Variants in FSTL4 observed in about 807,000 individuals in gnomAD.
FSTL4 encodes the protein follistatin-related protein 4.
FSTL4 carries 28 observed loss-of-function variants against 78.2 expected under a neutral mutation model. The ratio of observed to expected loss-of-function variants is 0.36; its 90% confidence interval spans 0.27 to 0.49. FSTL4 has a LOEUF of 0.49. Ranked by LOEUF, FSTL4 falls within the 20% of genes least tolerant of loss-of-function variation. The probability of loss-of-function intolerance (pLI) is 0.98; values close to 1 mark genes in which losing one functional copy is unlikely to be tolerated. For missense variants in FSTL4, 922 were observed against 1,084.9 expected, an observed-to-expected ratio of 0.85 and a Z score of 2.11; for synonymous variants, 422 against 440.5, an observed-to-expected ratio of 0.96 and a Z score of 0.53.
At position 133,327,248 on chromosome 5, in the gene FSTL4, T is replaced by C. The variant is rs951172002; in HGVS notation, c.410-10596A>G. 5.9e-5 allele frequency among the ~76,000 whole-genome samples: 9 copies of C among 152,176 alleles called. 1 individual carries two copies. Among genetic ancestry groups the C allele is most frequent in the Non-Finnish European group, 1.0e-4 (7 of 68,018 alleles). On this transcript the variant is annotated intron_variant, in intron 4 of 15. Transcript: ENST00000265342. ...ACGCAACGGTATGGGAGAGCTGCTA[T>C]AGATTCTCACCTCTAGAAGGTCTGC...
At chr5:133,385,953 A>G (rs1755690813) in intron 4 of FSTL4, among the ~76,000 whole-genome samples, 1 of 152,066 alleles carries the variant, frequency 6.6e-6, no homozygotes, top group Non-Finnish European at 1.5e-5. Context: ...TAAATTATAC[A>G]TGTAAGAGAT....
chr5:133,336,764 G>A (rs1040084152), intron 4 of FSTL4, among the ~76,000 whole-genome samples: 5 of 152,150 alleles, frequency 3.3e-5, no homozygotes, highest in Non-Finnish European at 7.3e-5. Context: ...AGCCAGCCAG[G>A]TCCTTCATCC....
intron 14 of FSTL4, among the ~76,000 whole-genome samples, chr5:133,205,997 A>G (rs1750489356): frequency 6.6e-6 from 1 of 152,242 alleles, no homozygotes; most frequent in South Asian, 2.1e-4. Flanking sequence ...ATAGTATGTT[A>G]GAATTAAAAA....
At chr5:133,653,881 G>A in the FSTL4 span, among the ~76,000 whole-genome samples, 1 of 152,186 alleles carries the variant, frequency 6.6e-6, no homozygotes, top group Non-Finnish European at 1.5e-5. Context: ...CATTGTTAAA[G>A]GCAGTCTGCA....
chr5:133,486,021 T>C (rs1279047927), intron 3 of FSTL4, among the ~76,000 whole-genome samples: 1 of 152,154 alleles, frequency 6.6e-6, no homozygotes, highest in Non-Finnish European at 1.5e-5. Flanking sequence ...AAGGCCCAGC[T>C]CCTGGGGGAA....
At chr5:133,296,439 A>G (rs748377119) in intron 6 of FSTL4, among the ~76,000 whole-genome samples, 4 of 152,182 alleles carry the variant, frequency 2.6e-5, no homozygotes, top group Admixed American at 6.5e-5. Flanking sequence ...CCAATAATCT[A>G]GTTTCACCCA....
intron 6 of FSTL4, among the ~76,000 whole-genome samples, chr5:133,294,340 C>T (rs962850649): frequency 6.6e-6 from 1 of 152,126 alleles, no homozygotes; most frequent in South Asian, 2.1e-4. Context: ...TTCATCTCTA[C>T]CACCACGTGC....
At chr5:133,330,894 CTG>C (rs773340097) in intron 4 of FSTL4, among the ~76,000 whole-genome samples, 1 of 152,148 alleles carries the variant, frequency 6.6e-6, no homozygotes, top group Admixed American at 6.5e-5. Context: ...GGGAGTATGC[CTG>C]TGTGTGCATA....
At chr5:133,244,739 A>T (rs1023064564) in intron 7 of FSTL4, 2 of 152,290 alleles carry the variant, frequency 1.3e-5, no homozygotes, top group African/African-American at 4.8e-5. Flanking sequence ...TGGGCTGGGT[A>T]AGGCTAAAGC....
intron 4 of FSTL4, among the ~76,000 whole-genome samples, chr5:133,328,910 G>C (rs1754276752): frequency 6.6e-6 from 1 of 152,232 alleles, no homozygotes; most frequent in Admixed American, 6.5e-5. Flanking sequence ...GGAGCTGGCA[G>C]TAACTTTGCT....
chr5:133,722,391 C>T, the FSTL4 span, among the ~76,000 whole-genome samples: 1,357 of 152,220 alleles, frequency 8.9e-3, 22 homozygotes, highest in African/African-American at 0.031. Context: ...ACTGCTCTCT[C>T]GTATGTTTTT....
At chr5:133,514,750 C>A (rs823761) in intron 3 of FSTL4, among the ~76,000 whole-genome samples, 42,491 of 152,074 alleles carry the variant, frequency 0.28, 7,129 homozygotes, top group African/African-American at 0.48. Flanking sequence ...TTTTAGCCAG[C>A]AAACCACAAA....
intron 8 of FSTL4, among the ~76,000 whole-genome samples, chr5:133,232,824 A>G (rs1751535144): frequency 6.6e-6 from 1 of 152,218 alleles, no homozygotes; most frequent in Admixed American, 6.5e-5. Flanking sequence ...GGCTACTGTC[A>G]TCAGGAGGCA....
At position 133,243,047 on chromosome 5, in the gene FSTL4, A is replaced by G. The variant is rs139130031; in HGVS notation, c.894+6363T>C. Among the ~76,000 whole-genome samples, 629 of 152,360 alleles carry G rather than the reference A, an allele frequency of 4.1e-3. 8 individuals carry two copies. Among genetic ancestry groups the G allele is most frequent in the African/African-American group, 0.015 (607 of 41,594 alleles). On this transcript the variant is annotated intron_variant, in intron 7 of 15. Transcript: ENST00000265342. Reference sequence around the variant, plus strand: ...CTCCCTTCCAAAGAAGAGCTAGCTGAGAGCATACGCTTCATTAGAATTATT... The same window carrying G: ...CTCCCTTCCAAAGAAGAGCTAGCTGGGAGCATACGCTTCATTAGAATTATT...
chr5:133,833,006 A>G, the FSTL4 span, among the ~76,000 whole-genome samples: 4 of 152,326 alleles, frequency 2.6e-5, no homozygotes, highest in East Asian at 7.7e-4. Context: ...AAACCCTTAT[A>G]GAATGCACAA....
intron 3 of FSTL4, among the ~76,000 whole-genome samples, chr5:133,463,306 C>G (rs1232122337): frequency 6.6e-6 from 1 of 152,204 alleles, no homozygotes. Context: ...CCAGGATCCT[C>G]CACTCTTGAT....
chr5:133,803,398 T>G, the FSTL4 span, among the ~76,000 whole-genome samples: 1 of 152,160 alleles, frequency 6.6e-6, no homozygotes. Context: ...AAATCACAGT[T>G]GGGCCCCGCC....
At chr5:133,667,001 C>T in the FSTL4 span, among the ~76,000 whole-genome samples, 3 of 152,188 alleles carry the variant, frequency 2.0e-5, no homozygotes, top group Non-Finnish European at 4.4e-5. Context: ...GTTCCAGGCT[C>T]ATGTAACCAA....
At chr5:133,552,859 A>G (rs1759716022) in intron 3 of FSTL4, among the ~76,000 whole-genome samples, 1 of 152,206 alleles carries the variant, frequency 6.6e-6, no homozygotes. Context: ...ATAAAGAAAC[A>G]GGGGATGAAG....
Sources: gnomAD v4.1 joint callset for allele counts (sites outside exome capture counted in the v4.1 genomes callset) on GRCh38, gnomAD v4.1.1 for gene constraint, MANE v1.5 for transcripts, NCBI Gene and HGNC (gene_info 2026-07-23, HGNC 2026-07-21) for gene names.